ZFPM2: variants seen among roughly 807,000 people sequenced by gnomAD.
ZFPM2 encodes the protein zinc finger protein ZFPM2.
A neutral mutation model predicts 98.6 loss-of-function variants in ZFPM2; 20 were observed. The ratio of observed to expected loss-of-function variants is 0.20; its 90% CI spans 0.14 to 0.29. ZFPM2 has a LOEUF of 0.29. Among genes scored for constraint, ZFPM2 ranks in the 10% least tolerant of loss-of-function variants. The pLI is 1.00. For missense variants in ZFPM2, 1,310 were observed against 1,388.6 expected (o/e 0.94, Z 0.90); for synonymous variants, 518 against 502.7 (o/e 1.03, Z -0.41).
chr8:105,429,307 A>G (rs1457713303), intron 2 of ZFPM2, among the ~76,000 whole-genome samples: 1 of 152,002 alleles, frequency 6.6e-6, no homozygotes, highest in East Asian at 1.9e-4. Flanking sequence ...GGATATGTAT[A>G]TGTGGCCGTA....
At chr8:105,668,601 A>G (rs1199523559) in intron 5 of ZFPM2, among the ~76,000 whole-genome samples, 2 of 152,298 alleles carry the variant, frequency 1.3e-5, no homozygotes, top group Admixed American at 6.5e-5. Context: ...AGCCATAGTT[A>G]TAAAATAGCT....
At chr8:105,505,370 T>C (rs886975251) in intron 3 of ZFPM2, among the ~76,000 whole-genome samples, 1 of 152,088 alleles carries the variant, frequency 6.6e-6, no homozygotes, top group African/African-American at 2.4e-5. Flanking sequence ...TTGAGTCACA[T>C]TGATTTAGGT....
chr8:105,358,315 A>G (rs564411251), intron 1 of ZFPM2, among the ~76,000 whole-genome samples: 1 of 151,130 alleles, frequency 6.6e-6, no homozygotes, highest in Admixed American at 6.6e-5. Context: ...GTGCAGTGGC[A>G]TGATCTCAGC....
At chr8:105,452,108 C>G (rs2130256753) in intron 3 of ZFPM2, among the ~76,000 whole-genome samples, 1 of 152,202 alleles carries the variant, frequency 6.6e-6, no homozygotes, top group East Asian at 1.9e-4. Flanking sequence ...ATGAAACAAA[C>G]TAGAAATCAT....
At chr8:105,578,653 C>T (rs1201862862) in intron 4 of ZFPM2, among the ~76,000 whole-genome samples, 1 of 151,960 alleles carries the variant, frequency 6.6e-6, no homozygotes, top group African/African-American at 2.4e-5. Context: ...ATTCCATGGC[C>T]ACTTCACCTG....
At chr8:105,567,560 G>T (rs532558043) in intron 4 of ZFPM2, among the ~76,000 whole-genome samples, 1 of 151,962 alleles carries the variant, frequency 6.6e-6, no homozygotes. Flanking sequence ...AATTTTCTGG[G>T]ATCAACTTCC....
intron 1 of ZFPM2, among the ~76,000 whole-genome samples, chr8:105,343,520 T>C (rs1400238242): frequency 3.3e-5 from 5 of 152,186 alleles, no homozygotes; most frequent in African/African-American, 1.2e-4. Flanking sequence ...TTAGCTTTCT[T>C]CCTTGTAGGT....
At chr8:105,584,369 A>C (rs1243050489) in intron 4 of ZFPM2, among the ~76,000 whole-genome samples, 1 of 152,130 alleles carries the variant, frequency 6.6e-6, no homozygotes. Context: ...AGCAAGAAAA[A>C]AATATTTAAA....
At chr8:105,330,565 TATACATATATATATAC>T (rs1812199182) in intron 1 of ZFPM2, among the ~76,000 whole-genome samples, 1 of 71,344 alleles carries the variant, frequency 1.4e-5, no homozygotes, top group Non-Finnish European at 2.9e-5. Context: ...TATATATATA[TATACATATATATATAC>T]ATATATATAT....
intron 3 of ZFPM2, among the ~76,000 whole-genome samples, chr8:105,516,691 T>C (rs150775738): frequency 6.6e-6 from 1 of 152,272 alleles, no homozygotes; most frequent in Non-Finnish European, 1.5e-5. Context: ...ACTAATTGCT[T>C]CCCTTTTCTT....
chr8:105,348,760 A>G (rs1318221479), intron 1 of ZFPM2, among the ~76,000 whole-genome samples: 1 of 152,206 alleles, frequency 6.6e-6, no homozygotes, highest in African/African-American at 2.4e-5. Flanking sequence ...ATTTAAAAAT[A>G]GAAAGTCAAC....
In ZFPM2 at chr8:105,554,545, T is replaced by G. The variant is rs200072971; in HGVS notation, c.302-6818T>G. 2.0e-5 allele frequency among the ~76,000 whole-genome samples: 3 copies of G among 152,214 alleles called. No homozygotes were observed. The East Asian group carries it at 5.8e-4, about 29-fold the overall frequency. On this transcript the variant is annotated intron_variant, in intron 3 of 7. Transcript: ENST00000407775. ...CCATGAAGAAAATATAAATATGGGT[T>G]CTGACGCTATAGCCTTCTGCTATAC...
intron 1 of ZFPM2, among the ~76,000 whole-genome samples, chr8:105,409,742 A>G (rs1365126430): frequency 6.6e-6 from 1 of 151,958 alleles, no homozygotes; most frequent in Non-Finnish European, 1.5e-5. Flanking sequence ...ATACATCAGA[A>G]TCACCTACAG....
chr8:105,456,514 A>T (rs1240932606), intron 3 of ZFPM2, among the ~76,000 whole-genome samples: 2 of 152,102 alleles, frequency 1.3e-5, no homozygotes, highest in Non-Finnish European at 2.9e-5. Context: ...ATTATCATTT[A>T]CCTCTTATTT....
chr8:105,489,469 T>TATAGATATATGTTTATATATATATATATA (rs1563682487), intron 3 of ZFPM2, among the ~76,000 whole-genome samples: 145 of 137,808 alleles, frequency 1.1e-3, no homozygotes, highest in African/African-American at 3.9e-3. Flanking sequence ...TATATATATT[T>TATAGATATATGTTTATATATATATATATA]TTTTTTTTTT....
intron 3 of ZFPM2, among the ~76,000 whole-genome samples, chr8:105,508,321 C>T (rs889148069): frequency 1.1e-4 from 16 of 152,112 alleles, no homozygotes; most frequent in East Asian, 1.9e-4. Context: ...AGAAGAGTCC[C>T]GCCTGATTAA....
intron 5 of ZFPM2, among the ~76,000 whole-genome samples, chr8:105,695,378 ATTTTTTTTTT>A (rs1165726984): frequency 1.6e-4 from 12 of 74,834 alleles, no homozygotes; most frequent in Admixed American, 1.0e-3. Flanking sequence ...AATGGTTTGT[ATTTTTTTTTT>A]TTTTTTTTTT....
At chr8:105,346,396 A>AAT (rs1812528751) in intron 1 of ZFPM2, among the ~76,000 whole-genome samples, 1 of 151,100 alleles carries the variant, frequency 6.6e-6, no homozygotes, top group Admixed American at 6.6e-5. Context: ...AAAAAAAAAA[A>AAT]AAATAAATAA....
At chr8:105,542,094 T>C (rs569531252) in intron 3 of ZFPM2, among the ~76,000 whole-genome samples, 22 of 152,302 alleles carry the variant, frequency 1.4e-4, no homozygotes, top group Middle Eastern at 3.4e-3. Context: ...AATACTTTAT[T>C]ATTTATGCAA....
Sources: allele counts gnomAD v4.1 joint callset (sites outside exome capture counted in the v4.1 genomes callset), GRCh38; gene constraint gnomAD v4.1.1; transcripts MANE v1.5; gene names NCBI Gene and HGNC (gene_info 2026-07-23, HGNC 2026-07-21).